LPP: variants seen among roughly 807,000 people sequenced by gnomAD.
LPP encodes LIM domain containing preferred translocation partner in lipoma, also known as lipoma-preferred partner.
In LPP, 38 loss-of-function variants were observed where a neutral mutation model predicts 60.4. The ratio of observed to expected loss-of-function variants is 0.63; its 90% confidence interval spans 0.49 to 0.83. The LOEUF (loss-of-function observed/expected upper bound fraction) is 0.83. Among genes scored for constraint, LPP ranks in the 40% least tolerant of loss-of-function variants. LPP has a pLI of 0.00. For synonymous variants in LPP, 328 were observed against 290.8 expected (o/e 1.13, Z -1.30); for missense variants, 902 against 783.6 (o/e 1.15, Z -1.80).
chr3:188,272,296 T>C (rs1012067414), intron 2 of LPP, among the ~76,000 whole-genome samples: 6 of 152,324 alleles, frequency 3.9e-5, no homozygotes, highest in Non-Finnish European at 7.3e-5. Flanking sequence ...TCCTATTGCA[T>C]GTACTTGGTA....
chr3:188,347,129 T>TGGATATAAATCC (rs1297719916), intron 3 of LPP, among the ~76,000 whole-genome samples: 2 of 152,176 alleles, frequency 1.3e-5, no homozygotes, highest in Non-Finnish European at 2.9e-5. Context: ...ATATAAAATC[T>TGGATATAAATCC]GGATTTAAAT....
At chr3:188,772,250 C>T (rs1182867334) in intron 9 of LPP, among the ~76,000 whole-genome samples, 1 of 152,162 alleles carries the variant, frequency 6.6e-6, no homozygotes, top group Non-Finnish European at 1.5e-5. Flanking sequence ...TGTCTATTCC[C>T]ATGCCATTGG....
intron 8 of LPP, among the ~76,000 whole-genome samples, chr3:188,741,245 G>T (rs150656498): frequency 6.6e-5 from 10 of 150,992 alleles, no homozygotes; most frequent in South Asian, 2.1e-4. Context: ...CTTTGAATTG[G>T]GGGGGGAAGG....
rs1007636497 is a variant in LPP, at chr3:188,889,710, G to A, written c.*15231G>A. On this transcript the variant is annotated 3_prime_UTR_variant, in exon 12 of 12. Coordinates refer to ENST00000617246, the MANE Select transcript of LPP (RefSeq NM_001375462.1). ...TAAGGAGCCCCATTACATAAGCTACGGGTGAGGTTGGAACAGCTATGTTTC... is the reference window on the plus strand; with the variant it reads ...TAAGGAGCCCCATTACATAAGCTACAGGTGAGGTTGGAACAGCTATGTTTC... 3 of 220,570 alleles carry A rather than the reference G, an allele frequency of 1.4e-5. No homozygotes were observed. The highest frequency in any genetic ancestry group is 2.7e-5 in the Non-Finnish European group (3 of 110,160). 13.7% of individuals were successfully genotyped at this position (220,570 alleles called of 1,614,324 possible). A position where few individuals can be genotyped will look rare whatever the true frequency, so the allele number is the denominator to read the frequency against.
At chr3:188,285,443 G>T (rs981367690) in intron 2 of LPP, among the ~76,000 whole-genome samples, 8 of 152,084 alleles carry the variant, frequency 5.3e-5, no homozygotes, top group Non-Finnish European at 1.2e-4. Context: ...TCCTGAGACT[G>T]GGTCTCACTG....
At chr3:188,373,959 T>C (rs897125882) in intron 3 of LPP, among the ~76,000 whole-genome samples, 1 of 152,224 alleles carries the variant, frequency 6.6e-6, no homozygotes, top group South Asian at 2.1e-4. Context: ...ATTTATTAAA[T>C]AGGGAATCCT....
At chr3:188,436,672 TA>T (rs1267770750) in intron 4 of LPP, among the ~76,000 whole-genome samples, 4 of 152,176 alleles carry the variant, frequency 2.6e-5, no homozygotes, top group African/African-American at 9.7e-5. Context: ...GGTGAGATTT[TA>T]AAAATAGAAA....
chr3:188,166,381 A>G (rs1225616676), intron 1 of LPP, among the ~76,000 whole-genome samples: 1 of 152,198 alleles, frequency 6.6e-6, no homozygotes, highest in East Asian at 1.9e-4. Flanking sequence ...TTCGTTGCCA[A>G]TAAATTAATG....
intron 8 of LPP, among the ~76,000 whole-genome samples, chr3:188,748,148 A>C (rs114288222): frequency 0.011 from 1,654 of 152,204 alleles, 30 homozygotes; most frequent in African/African-American, 0.035. Flanking sequence ...TTCATAAGAA[A>C]ATTTATTTTA....
intron 1 of LPP, among the ~76,000 whole-genome samples, chr3:188,213,824 G>A (rs1712286489): frequency 1.3e-5 from 2 of 152,014 alleles, no homozygotes; most frequent in Admixed American, 6.5e-5. Context: ...ATCCATGGAA[G>A]TGAAAATTAT....
intron 7 of LPP, among the ~76,000 whole-genome samples, chr3:188,645,749 ACTT>A (rs1850993662): frequency 6.6e-6 from 1 of 151,940 alleles, no homozygotes; most frequent in African/African-American, 2.4e-5. Context: ...ATTTTTATAT[ACTT>A]CTTTTACCCT....
intron 6 of LPP, among the ~76,000 whole-genome samples, chr3:188,593,857 T>C (rs1580244906): frequency 6.6e-6 from 1 of 152,340 alleles, no homozygotes; most frequent in Middle Eastern, 3.4e-3. Context: ...GATGGGCATT[T>C]GGGTTGGTTC....
chr3:188,429,076 T>C (rs189133726), intron 4 of LPP, among the ~76,000 whole-genome samples: 72 of 152,278 alleles, frequency 4.7e-4, no homozygotes, highest in East Asian at 2.9e-3. Context: ...GCACTAGAGT[T>C]ACCTTGTTAA....
chr3:188,806,496 A>G (rs1009930562), intron 9 of LPP, among the ~76,000 whole-genome samples: 3 of 151,794 alleles, frequency 2.0e-5, no homozygotes, highest in Admixed American at 6.6e-5. Flanking sequence ...ATTTTATCCA[A>G]TTTGACCATC....
At chr3:188,607,370 G>GATAGATATATAT (rs1553941079) in intron 6 of LPP, among the ~76,000 whole-genome samples, 5 of 102,732 alleles carry the variant, frequency 4.9e-5, no homozygotes, top group African/African-American at 1.8e-4. Flanking sequence ...GAAAATAGAA[G>GATAGATATATAT]ATATATATAT....
intron 3 of LPP, among the ~76,000 whole-genome samples, chr3:188,361,721 C>T (rs1465154480): frequency 6.6e-6 from 1 of 152,116 alleles, no homozygotes; most frequent in East Asian, 1.9e-4. Context: ...CGCCCTGCCA[C>T]CACACCAGGA....
intron 6 of LPP, among the ~76,000 whole-genome samples, chr3:188,579,663 T>G (rs1222376878): frequency 6.6e-6 from 1 of 151,930 alleles, no homozygotes; most frequent in African/African-American, 2.4e-5. Context: ...TTTTTTTTTT[T>G]TTAAACCCCA....
chr3:188,634,764 T>C (rs1848427870), intron 7 of LPP, among the ~76,000 whole-genome samples: 1 of 152,200 alleles, frequency 6.6e-6, no homozygotes, highest in Non-Finnish European at 1.5e-5. Context: ...GAAAACAAGC[T>C]CAGGGCTCCC....
intron 2 of LPP, among the ~76,000 whole-genome samples, chr3:188,239,543 G>T (rs762115896): frequency 9.9e-5 from 15 of 152,096 alleles, no homozygotes; most frequent in Non-Finnish European, 2.1e-4. Flanking sequence ...TTTAAAGAGG[G>T]CTATCACATT....
Sources: gnomAD v4.1 joint callset for allele counts (sites outside exome capture counted in the v4.1 genomes callset) on GRCh38, gnomAD v4.1.1 for gene constraint, MANE v1.5 for transcripts, NCBI Gene and HGNC (gene_info 2026-07-23, HGNC 2026-07-21) for gene names.